The following RGS7 variants were observed in gnomAD, a reference collection of about 807,000 sequenced individuals.
The protein encoded by RGS7 is regulator of G-protein signaling 7.
A neutral mutation model predicts 81.1 loss-of-function variants in RGS7; 27 were observed. That is an observed-to-expected ratio of 0.33 (90% CI 0.25 to 0.46). RGS7 has a LOEUF of 0.46. Among genes scored for constraint, RGS7 ranks in the 20% least tolerant of loss-of-function variants. RGS7 has a pLI of 1.00. For missense variants in RGS7, 396 were observed against 607.4 expected (o/e 0.65, Z 3.66); for synonymous variants, 208 against 207.7 (o/e 1.00, Z -0.01).
chr1:241,301,585 G>C (rs1352312559), intron 2 of RGS7, among the ~76,000 whole-genome samples: 2 of 152,204 alleles, frequency 1.3e-5, no homozygotes, highest in Non-Finnish European at 2.9e-5. Context: ...TGGAGTGAGA[G>C]ACATTCTGCA....
At position 241,163,647 on chromosome 1, in the gene RGS7, T is replaced by G. The variant is rs2069922771; in HGVS notation, c.79-64885A>C. On this transcript the variant is annotated intron_variant, in intron 2 of 18. Coordinates refer to ENST00000440928, the MANE Select transcript of RGS7 (RefSeq NM_001364886.1). This position sits in a 1 kb window ranked among gnomAD's most constrained non-coding sequence, Gnocchi z 4.6. The stretch of plus-strand genomic sequence containing the variant: ...CTAGCCAGGGCTCCTCTTCTCTCCC[T>G]CCCATAATCACAACCTGTTTTGCCA... Among the ~76,000 whole-genome samples, 1 of 152,168 alleles carries G rather than the reference T, an allele frequency of 6.6e-6. No homozygotes were observed. Among genetic ancestry groups the G allele is most frequent in the African/African-American group, 2.4e-5 (1 of 41,448 alleles).
At chr1:241,189,985 C>T (rs1201461971) in intron 2 of RGS7, among the ~76,000 whole-genome samples, 2 of 152,218 alleles carry the variant, frequency 1.3e-5, no homozygotes, top group African/African-American at 2.4e-5. Flanking sequence ...CACCTGTAGT[C>T]CCAGCTACTC....
chr1:240,987,918 G>A (rs1283493601), intron 3 of RGS7, among the ~76,000 whole-genome samples: 1 of 152,078 alleles, frequency 6.6e-6, no homozygotes, highest in African/African-American at 2.4e-5. Context: ...CCTTGAAGTA[G>A]GCACAATAAA....
intron 2 of RGS7, among the ~76,000 whole-genome samples, chr1:241,259,667 A>AAAAAAAAAAAAAT: frequency 3.1e-4 from 15 of 49,138 alleles, no homozygotes; most frequent in East Asian, 6.1e-4. Flanking sequence ...AAAAAAAAAA[A>AAAAAAAAAAAAAT]ATATATATAT....
intron 2 of RGS7, among the ~76,000 whole-genome samples, chr1:241,336,410 AG>A (rs1328523340): frequency 6.6e-6 from 1 of 152,210 alleles, no homozygotes; most frequent in African/African-American, 2.4e-5. Context: ...ATGTGAAAGA[AG>A]GGGAGGAAGT....
chr1:241,286,222 T>G (rs2078800724), intron 2 of RGS7, among the ~76,000 whole-genome samples: 1 of 152,086 alleles, frequency 6.6e-6, no homozygotes, highest in Admixed American at 6.5e-5. Flanking sequence ...ACAGAAGCAT[T>G]GAGATGGAAA....
At chr1:241,336,497 G>A (rs1178012560) in intron 2 of RGS7, among the ~76,000 whole-genome samples, 1 of 152,172 alleles carries the variant, frequency 6.6e-6, no homozygotes, top group Non-Finnish European at 1.5e-5. Flanking sequence ...GAAACCCTAG[G>A]ACAGGATTGA....
chr1:240,977,966 A>C (rs1469235389), intron 4 of RGS7, among the ~76,000 whole-genome samples: 1 of 152,224 alleles, frequency 6.6e-6, no homozygotes, highest in Non-Finnish European at 1.5e-5. Context: ...CAACGAAGTA[A>C]GTCCATCACA....
At chr1:241,340,505 G>A (rs538889563) in intron 2 of RGS7, among the ~76,000 whole-genome samples, 1 of 152,106 alleles carries the variant, frequency 6.6e-6, no homozygotes, top group Admixed American at 6.5e-5. Flanking sequence ...GATATGGGTA[G>A]CTTGCCCCAT....
chr1:241,009,347 C>G (rs1347967702), intron 3 of RGS7, among the ~76,000 whole-genome samples: 2 of 152,200 alleles, frequency 1.3e-5, no homozygotes, highest in Non-Finnish European at 2.9e-5. Flanking sequence ...GGAGCACTGA[C>G]CCCATTCCTT....
chr1:240,921,368 A>C (rs1037396061), intron 6 of RGS7, among the ~76,000 whole-genome samples: 2 of 152,132 alleles, frequency 1.3e-5, no homozygotes, highest in Non-Finnish European at 2.9e-5. Context: ...TAAAATAAGG[A>C]AAAATGCAAG....
rs777733960 is a variant in RGS7, at chr1:241,355,792, G to C, written c.-16C>G. The C allele has an allele frequency of 3.7e-6, 6 of 1,612,166 alleles. No homozygotes were observed. The highest frequency in any genetic ancestry group is 5.1e-6 in the Non-Finnish European group (6 of 1,178,306). ...CCTGGGCCATGTCACCCAAAACTTG[G>C]TCCACTCTCAAGATACAAGAATTAT... On this transcript the variant is annotated 5_prime_UTR_variant, in exon 2 of 19. Coordinates refer to ENST00000440928, the MANE Select transcript of RGS7 (RefSeq NM_001364886.1).
chr1:240,952,585 GA>G (rs984077876), intron 4 of RGS7, among the ~76,000 whole-genome samples: 2 of 151,872 alleles, frequency 1.3e-5, no homozygotes, highest in African/African-American at 4.8e-5. Context: ...AAGAAGGGGG[GA>G]AAAGACACAA....
chr1:241,115,416 T>A (rs1273521964), intron 2 of RGS7, among the ~76,000 whole-genome samples: 5 of 152,198 alleles, frequency 3.3e-5, no homozygotes, highest in Non-Finnish European at 1.5e-5. Context: ...GCCATGGGTA[T>A]AAAATTACAT....
intron 6 of RGS7, among the ~76,000 whole-genome samples, chr1:240,878,485 CTTTCT>C (rs758839853): frequency 0.11 from 10,152 of 90,232 alleles, 382 homozygotes; most frequent in Middle Eastern, 0.24. Context: ...TTTCTTTTTT[CTTTCT>C]TTTTTTTTTT....
intron 2 of RGS7, chr1:241,132,271 C>T (rs956056093): frequency 6.5e-6 from 1 of 154,780 alleles, no homozygotes; most frequent in Non-Finnish European, 1.5e-5. Flanking sequence ...TAGAATGTAA[C>T]ATGGATTTGA....
At chr1:240,851,457 G>A (rs959843117) in intron 9 of RGS7, among the ~76,000 whole-genome samples, 1 of 152,218 alleles carries the variant, frequency 6.6e-6, no homozygotes, top group Non-Finnish European at 1.5e-5. Context: ...CTCTGATGGA[G>A]ATGTACAAGG....
chr1:241,093,292 G>T lies in RGS7; in HGVS notation c.175+5374C>A, dbSNP rs549847148. 2.0e-5 allele frequency among the ~76,000 whole-genome samples: 3 copies of T among 152,186 alleles called. No homozygotes were observed. In the South Asian group the frequency reaches 6.2e-4, roughly 32 times the overall value. ...TCTTTGTTGAAGATGAGATTACAAAGTTATAGCCTTTAAACAGTTCTGTTC... is the reference window on the plus strand; with the variant it reads ...TCTTTGTTGAAGATGAGATTACAAATTTATAGCCTTTAAACAGTTCTGTTC... On this transcript the variant is annotated intron_variant, in intron 3 of 18. Transcript: ENST00000440928.
At chr1:241,078,133 T>C (rs2062913336) in intron 3 of RGS7, among the ~76,000 whole-genome samples, 1 of 149,086 alleles carries the variant, frequency 6.7e-6, no homozygotes, top group Non-Finnish European at 1.5e-5. Context: ...AATTGTTGTG[T>C]ATGCATCTAT....
Sources: gnomAD v4.1 joint callset for allele counts (sites outside exome capture counted in the v4.1 genomes callset) on GRCh38, gnomAD v4.1.1 for gene constraint, Gnocchi (gnomAD v3.1) non-coding constraint, MANE v1.5 for transcripts, NCBI Gene and HGNC (gene_info 2026-07-23, HGNC 2026-07-21) for gene names.